Variants in COG5 observed in about 807,000 individuals in gnomAD.
COG5 encodes component of oligomeric golgi complex 5.
Under a neutral mutation model 110.4 loss-of-function variants are expected in COG5, and 86 were observed. That is an observed-to-expected ratio of 0.78 (90% confidence interval 0.65 to 0.93). The LOEUF (loss-of-function observed/expected upper bound fraction) is 0.93. COG5 is among the 40% of genes least tolerant of loss of function. The pLI is 0.00. For synonymous variants in COG5, 360 were observed against 334.6 expected, an observed-to-expected ratio of 1.08 and a Z score of -0.83; for missense variants, 1,077 against 987.0, an observed-to-expected ratio of 1.09 and a Z score of -1.22.
chr7:107,453,997 A>G (rs971389089), intron 6 of COG5, among the ~76,000 whole-genome samples: 1 of 152,190 alleles, frequency 6.6e-6, no homozygotes, highest in African/African-American at 2.4e-5. Flanking sequence ...CAGATAAAAA[A>G]TTCATTAATG....
intron 21 of COG5, among the ~76,000 whole-genome samples, chr7:107,205,052 C>A (rs557861924): frequency 6.6e-6 from 1 of 152,318 alleles, no homozygotes; most frequent in African/African-American, 2.4e-5. Flanking sequence ...CACTTTGAAC[C>A]CTTGCTATCT....
At chr7:107,430,633 A>G (rs1793962948) in intron 6 of COG5, among the ~76,000 whole-genome samples, 1 of 152,202 alleles carries the variant, frequency 6.6e-6, no homozygotes, top group Non-Finnish European at 1.5e-5. Context: ...TCATTTTACA[A>G]TATCTGCAGC....
Position 107,563,667 on chromosome 7 carries a change from G to T in COG5, c.94+136C>A, listed in dbSNP as rs772031599. The T allele has an allele frequency of 4.2e-6, 4 of 954,790 alleles. No homozygotes were observed. The African/African-American group carries it at 6.5e-5, about 15-fold the overall frequency. 59.1% of individuals were successfully genotyped at this position (954,790 alleles called of 1,614,324 possible). On this transcript the variant is annotated intron_variant, in intron 1 of 21. Coordinates refer to ENST00000297135, the MANE Select transcript of COG5 (RefSeq NM_006348.5). ...GGCTAGAACAGTACCCAAGCCAGGG[G>T]GCCGGGCGGAGGGGAGTGGTCACGT...
chr7:107,383,435 C>T (rs1434588710), intron 7 of COG5, among the ~76,000 whole-genome samples: 1 of 152,266 alleles, frequency 6.6e-6, no homozygotes. Flanking sequence ...TGGATAAAGG[C>T]CAGGTTAATA....
chr7:107,475,387 C>A, intron 6 of COG5: 3 of 1,069,698 alleles, frequency 2.8e-6, no homozygotes, highest in South Asian at 1.8e-5. Context: ...TTCACCAAAT[C>A]CACATTCAAA....
At chr7:107,266,071 T>G (rs1339095027) in intron 14 of COG5, among the ~76,000 whole-genome samples, 1 of 151,698 alleles carries the variant, frequency 6.6e-6, no homozygotes, top group Non-Finnish European at 1.5e-5. Context: ...ACAATAATAA[T>G]AATAATACAC....
intron 7 of COG5, among the ~76,000 whole-genome samples, chr7:107,376,588 A>G (rs1271549219): frequency 6.6e-6 from 1 of 151,884 alleles, no homozygotes; most frequent in Non-Finnish European, 1.5e-5. Flanking sequence ...GACTTTTCTA[A>G]CTATATAACC....
chr7:107,319,437 G>T (rs1288498452), intron 11 of COG5, among the ~76,000 whole-genome samples: 2 of 152,194 alleles, frequency 1.3e-5, no homozygotes, highest in East Asian at 1.9e-4. Context: ...TCTGGAATCA[G>T]TAAGAATGGC....
intron 6 of COG5, among the ~76,000 whole-genome samples, chr7:107,498,241 G>T (rs1798404583): frequency 6.6e-6 from 1 of 152,112 alleles, no homozygotes; most frequent in African/African-American, 2.4e-5. Flanking sequence ...TCACAGATGT[G>T]ACCAAAAACA....
intron 6 of COG5, among the ~76,000 whole-genome samples, chr7:107,508,988 G>A (rs190232477): frequency 9.9e-5 from 15 of 152,248 alleles, no homozygotes; most frequent in Admixed American, 2.0e-4. Context: ...AAATCAGAGC[G>A]CCTCTCCTCC....
intron 6 of COG5, among the ~76,000 whole-genome samples, chr7:107,521,293 T>C (rs959942163): frequency 6.6e-6 from 1 of 152,100 alleles, no homozygotes; most frequent in Admixed American, 6.5e-5. Flanking sequence ...AATTGATAAA[T>C]GGTATCTAAT....
intron 6 of COG5, chr7:107,473,012 G>A (rs1796730066): frequency 6.6e-6 from 1 of 151,618 alleles, no homozygotes; most frequent in Non-Finnish European, 1.5e-5. Context: ...ATTAGCAAAA[G>A]CGTTTGTATT....
chr7:107,384,268 T>C (rs181177328), intron 7 of COG5, among the ~76,000 whole-genome samples: 1 of 152,120 alleles, frequency 6.6e-6, no homozygotes, highest in Non-Finnish European at 1.5e-5. Context: ...TCAGTCTTCA[T>C]CTTTACCCTT....
At chr7:107,311,078 C>T (rs997032000) in intron 11 of COG5, among the ~76,000 whole-genome samples, 3 of 152,098 alleles carry the variant, frequency 2.0e-5, no homozygotes, top group African/African-American at 7.2e-5. Context: ...ACAAATAGCC[C>T]GGCGAATGTC....
intron 6 of COG5, among the ~76,000 whole-genome samples, chr7:107,443,283 A>C (rs1452365155): frequency 6.6e-6 from 1 of 152,190 alleles, no homozygotes; most frequent in Non-Finnish European, 1.5e-5. Context: ...TCCCATTTAT[A>C]TGAAATATCC....
chr7:107,428,655 A>G (rs1478173353), intron 6 of COG5, among the ~76,000 whole-genome samples: 2 of 152,224 alleles, frequency 1.3e-5, no homozygotes, highest in Non-Finnish European at 2.9e-5. Flanking sequence ...AATGTGCTGC[A>G]GTAGCCCTAG....
chr7:107,461,838 G>A (rs1796008660), intron 6 of COG5, among the ~76,000 whole-genome samples: 1 of 152,142 alleles, frequency 6.6e-6, no homozygotes, highest in South Asian at 2.1e-4. Flanking sequence ...CAAAATATGT[G>A]TGAGACCTCT....
intron 10 of COG5, among the ~76,000 whole-genome samples, chr7:107,324,826 A>G (rs936556173): frequency 6.6e-6 from 1 of 152,208 alleles, no homozygotes; most frequent in African/African-American, 2.4e-5. Flanking sequence ...ACATTGCAGG[A>G]TAATTATGAG....
In COG5 at chr7:107,447,915, G is replaced by A. The variant is rs191190910; in HGVS notation, c.539-35283C>T. On this transcript the variant is annotated intron_variant, in intron 6 of 21. Coordinates refer to ENST00000297135, the MANE Select transcript of COG5 (RefSeq NM_006348.5). ...TCACACCCGTAATCCCAGCACTGTG[G>A]GAGGCTGAGGTGGGTGGATCACCTG... Among the ~76,000 whole-genome samples, 185 of 152,300 alleles carry A rather than the reference G, an allele frequency of 1.2e-3. 2 individuals are homozygous for A. Among genetic ancestry groups the A allele is most frequent in the African/African-American group, 4.2e-3 (176 of 41,564 alleles).
Sources: allele counts gnomAD v4.1 joint callset (sites outside exome capture counted in the v4.1 genomes callset), GRCh38; gene constraint gnomAD v4.1.1; transcripts MANE v1.5; gene names NCBI Gene and HGNC (gene_info 2026-07-23, HGNC 2026-07-21).